Variants in OVCH1 observed in about 807,000 individuals in gnomAD.
OVCH1 encodes ovochymase-1.
A neutral mutation model predicts 138.4 loss-of-function variants in OVCH1; 139 were observed. The observed-to-expected ratio is 1.00, with a 90% CI of 0.87 to 1.16. The LOEUF (loss-of-function observed/expected upper bound fraction) is 1.16, where lower values mean the gene tolerates loss of function less well. Ranked by LOEUF, OVCH1 falls within the 50% of genes most tolerant of loss-of-function variation. The pLI, the probability that OVCH1 is intolerant of heterozygous loss-of-function variation, is 0.00. For synonymous variants in OVCH1, 453 were observed against 467.8 expected (o/e 0.97, Z 0.41); for missense variants, 1,367 against 1,357.9 (o/e 1.01, Z -0.11).
At chr12:29,480,935 A>G (rs1942911183) in intron 8 of OVCH1, among the ~76,000 whole-genome samples, 1 of 152,212 alleles carries the variant, frequency 6.6e-6, no homozygotes, top group Non-Finnish European at 1.5e-5. Flanking sequence ...ACATTTGCAC[A>G]TTCTAAAATT....
the OVCH1 span, among the ~76,000 whole-genome samples, chr12:29,407,396 A>G: frequency 6.7e-6 from 1 of 148,826 alleles, no homozygotes; most frequent in South Asian, 2.2e-4. Flanking sequence ...CTATGTACTG[A>G]ATGGTATTGC....
Position 29,455,315 on chromosome 12 carries a change from G to T in OVCH1, c.2371C>A (p.Pro791Thr). 3 of 1,613,830 alleles carry T rather than the reference G, an allele frequency of 1.9e-6. No individual in the cohort carries two copies. The South Asian group carries it at 3.3e-5, about 18-fold the overall frequency. Residue 791 changes from proline (P) to threonine (T), a missense_variant, in exon 20 of 28, where the codon CCA becomes ACA. Coordinates refer to ENST00000318184, the Ensembl canonical transcript of OVCH1. Reference sequence around the variant, plus strand: ...CTGGCAAATACACCCGGCTTCCATGGCTGGACACAGCCAGCTCCCCAGCTG... The same window carrying T: ...CTGGCAAATACACCCGGCTTCCATGTCTGGACACAGCCAGCTCCCCAGCTG...
At chr12:29,447,289 T>C (rs1941644292) in intron 22 of OVCH1, among the ~76,000 whole-genome samples, 1 of 152,042 alleles carries the variant, frequency 6.6e-6, no homozygotes, top group South Asian at 2.1e-4. Flanking sequence ...GACACAGTCT[T>C]AAAACAAACA....
At chr12:29,416,874 T>C (rs1384287867) in intron 3 of OVCH1, among the ~76,000 whole-genome samples, 1 of 152,214 alleles carries the variant, frequency 6.6e-6, no homozygotes, top group Non-Finnish European at 1.5e-5. Context: ...GGAGCTGTAT[T>C]TGTAATAGCC....
At chr12:29,461,590 T>G (rs75696900) in intron 19 of OVCH1, 1 of 512,488 alleles carries the variant, frequency 2.0e-6, no homozygotes, top group Non-Finnish European at 3.6e-6. Context: ...TTAGAAGCTC[T>G]GCCATTTCCT....
At chr12:29,427,687 C>T (rs1373235426) in intron 27 of OVCH1, 2 of 1,542,716 alleles carry the variant, frequency 1.3e-6, no homozygotes, top group Non-Finnish European at 1.7e-6. Context: ...ACCACTCAGT[C>T]TATGGTATTT....
chr12:29,423,216 A>C, downstream of OVCH1: 1 of 455,872 alleles, frequency 2.2e-6, no homozygotes, highest in Non-Finnish European at 4.4e-6. Context: ...TCTTTCTCTC[A>C]GACTCATCAG....
chr12:29,415,809 A>G (rs777164785), intron 3 of OVCH1, among the ~76,000 whole-genome samples: 5 of 152,198 alleles, frequency 3.3e-5, no homozygotes, highest in Non-Finnish European at 7.4e-5. Context: ...CTTATTTTAA[A>G]ATTTATACGA....
At chr12:29,440,835 GA>G (rs66808023) in intron 25 of OVCH1, 91 bp from the exon 26 acceptor site, 148,774 of 448,422 alleles carry the variant, frequency 0.33, 27,213 homozygotes, top group Middle Eastern at 0.45. Context: ...TTAGCAATTG[GA>G]TTTTTTACCC....
chr12:29,446,754 T>C (rs1941626882), intron 22 of OVCH1, among the ~76,000 whole-genome samples: 1 of 152,022 alleles, frequency 6.6e-6, no homozygotes, highest in South Asian at 2.1e-4. Flanking sequence ...CTTTTTTCTT[T>C]TAAAGGAAGC....
downstream of OVCH1, among the ~76,000 whole-genome samples, chr12:29,408,737 A>C (rs1340525852): frequency 6.8e-6 from 1 of 146,074 alleles, no homozygotes; most frequent in African/African-American, 2.5e-5. Context: ...TTTTTGCATC[A>C]ATGTTCATCA....
intron 19 of OVCH1, among the ~76,000 whole-genome samples, chr12:29,459,839 A>G (rs1416535005): frequency 6.6e-6 from 1 of 152,226 alleles, no homozygotes; most frequent in Non-Finnish European, 1.5e-5. Flanking sequence ...ATAACAGGAT[A>G]CTACGTTGCG....
At chr12:29,462,218 C>A (rs7964728) in intron 18 of OVCH1, among the ~76,000 whole-genome samples, 30,356 of 151,962 alleles carry the variant, frequency 0.2, 3,770 homozygotes, top group African/African-American at 0.36. Context: ...TAAAGAGAGG[C>A]CACTGGCAGG....
chr12:29,427,449 A>G, downstream of OVCH1: 5 of 1,359,506 alleles, frequency 3.7e-6, no homozygotes, highest in Non-Finnish European at 5.0e-6. Flanking sequence ...TTTAGATTGT[A>G]TGATAGAGGA....
At chr12:29,491,744 G>A (rs913787862) in intron 4 of OVCH1, among the ~76,000 whole-genome samples, 1 of 152,132 alleles carries the variant, frequency 6.6e-6, no homozygotes, top group Non-Finnish European at 1.5e-5. Context: ...AAATAATTTT[G>A]TATCTAGACA....
At position 29,486,356 on chromosome 12, in the gene OVCH1, A is replaced by G; in HGVS notation, c.893-8T>C. On this transcript the variant is annotated splice_region_variant and splice_polypyrimidine_tract_variant and intron_variant, in intron 7 of 27. Coordinates refer to ENST00000318184, the Ensembl canonical transcript of OVCH1. ...GTTGGCCCCGATCCAAACCTGTAAAAGGTATAAGGAGTTAGTGCCTTTCCC... is the reference window on the plus strand; with the variant it reads ...GTTGGCCCCGATCCAAACCTGTAAAGGGTATAAGGAGTTAGTGCCTTTCCC... 1 of 1,589,164 alleles carries G rather than the reference A, an allele frequency of 6.3e-7. No individual in the cohort carries two copies. The highest frequency in any genetic ancestry group is 8.6e-7 in the Non-Finnish European group (1 of 1,161,374).
intron 23 of OVCH1, 78 bp downstream of exon 23, chr12:29,445,200 A>C: frequency 7.2e-7 from 1 of 1,388,814 alleles, no homozygotes. Context: ...AAAATGTTGT[A>C]TATGTTTGGA....
chr12:29,452,821 G>A (rs1941835248), intron 21 of OVCH1, among the ~76,000 whole-genome samples: 1 of 152,162 alleles, frequency 6.6e-6, no homozygotes, highest in South Asian at 2.1e-4. Flanking sequence ...AGTAGCGGGA[G>A]TGGGTGGGTG....
chr12:29,428,651 G>A (rs1407922312), intron 27 of OVCH1, among the ~76,000 whole-genome samples: 8 of 152,116 alleles, frequency 5.3e-5, no homozygotes, highest in Non-Finnish European at 1.2e-4. Context: ...AGGAAAGTTA[G>A]GCAACTTTGG....
Sources: gnomAD v4.1 joint callset for allele counts (sites outside exome capture counted in the v4.1 genomes callset) on GRCh38, gnomAD v4.1.1 for gene constraint, MANE v1.5 for transcripts, NCBI Gene and HGNC (gene_info 2026-07-23, HGNC 2026-07-21) for gene names.